The following BRCA2 variants were observed in gnomAD, a reference collection of about 807,000 sequenced individuals.
BRCA2 encodes breast cancer type 2 susceptibility protein.
A neutral mutation model predicts 276.7 loss-of-function variants in BRCA2; 203 were observed. That is an observed-to-expected ratio of 0.73 (90% confidence interval 0.65 to 0.82). The LOEUF is 0.82. Among genes scored for constraint, BRCA2 ranks in the 40% least tolerant of loss-of-function variants. The pLI is 0.00. For synonymous variants in BRCA2, 1,289 were observed against 1,338.4 expected, an observed-to-expected ratio of 0.96 and a Z score of 0.81; for missense variants, 3,920 against 3,915.0, an observed-to-expected ratio of 1.00 and a Z score of -0.03.
In BRCA2 at chr13:32,332,226, T is replaced by C. The variant is rs762890310; in HGVS notation, c.794-46T>C. 2.0e-6 allele frequency: 3 copies of C among 1,493,124 alleles called. No homozygotes were observed. The South Asian group carries it at 3.7e-5, about 18-fold the overall frequency. 92.5% of individuals were successfully genotyped at this position (1,493,124 alleles called of 1,614,324 possible). A position where few individuals can be genotyped will look rare whatever the true frequency, so the allele number is the denominator to read the frequency against. On this transcript the variant is annotated intron_variant, in intron 9 of 26. Transcript: ENST00000380152. Reference sequence around the variant, plus strand: ...AAGGTTGTGAGAATAATATAAATTATATGGCTTATAAAATATTAATGTGCT... The same window carrying C: ...AAGGTTGTGAGAATAATATAAATTACATGGCTTATAAAATATTAATGTGCT...
Position 32,340,252 on chromosome 13 carries a change from A to T in BRCA2, c.5897A>T (p.His1966Leu), listed in dbSNP as rs80358823. The change falls in exon 11 of 27, where the codon CAT (histidine) becomes CTT (leucine). Residue 1966 changes from histidine (H) to leucine (L), a missense_variant. By Grantham distance (99) the His-to-Leu change is moderately conservative. Transcript: ENST00000380152. ...TGTAAATGTAGTATAGGGAAGCTTC[A>T]TAAGTCAGTCTCATCTGCAAATACT... Reference protein sequence around the residue: ...DICKCSIGKLHKSVSSANTCG... With the variant: ...DICKCSIGKLLKSVSSANTCG... 1.2e-6 allele frequency: 2 copies of T among 1,614,060 alleles called. No individual in the cohort carries two copies. The highest frequency in any genetic ancestry group is 1.1e-5 in the South Asian group (1 of 91,082).
At chr13:32,360,115 A>G (rs2072728768) in intron 16 of BRCA2, among the ~76,000 whole-genome samples, 1 of 152,216 alleles carries the variant, frequency 6.6e-6, no homozygotes, top group Non-Finnish European at 1.5e-5. Flanking sequence ...GCTACATTTG[A>G]TAAATGACCT....
In BRCA2 at chr13:32,340,716, G is replaced by C. The variant is rs587782183; in HGVS notation, c.6361G>C (p.Glu2121Gln). 6.2e-7 allele frequency: 1 copy of C among 1,606,576 alleles called. No homozygotes were observed. The highest frequency in any genetic ancestry group is 8.5e-7 in the Non-Finnish European group (1 of 1,178,330). Reference protein sequence around the residue: ...KRNPEHCVNSEMEKTCSKEFK... With the variant: ...KRNPEHCVNSQMEKTCSKEFK... The stretch of plus-strand genomic sequence containing the variant: ...AAACCCAGAGCACTGTGTAAACTCA[G>C]AAATGGAAAAAACCTGCAGTAAAGA... The change falls in exon 11 of 27, where the codon GAA becomes CAA. Residue 2121 changes from glutamate (E) to glutamine (Q), a missense_variant. Around this residue, in one of 2 missense-constraint regions of BRCA2, gnomAD observed 3,263 missense variants for 3,156.9 expected, o/e 1.03. Transcript: ENST00000380152.
intron 3 of BRCA2, among the ~76,000 whole-genome samples, chr13:32,321,371 A>G (rs762809279): frequency 6.6e-6 from 1 of 152,188 alleles, no homozygotes; most frequent in Non-Finnish European, 1.5e-5. Context: ...ATAAAAATAA[A>G]TACACTAGTG....
rs1555282730 is a variant in BRCA2 at position 32,336,882 on chromosome 13, G to T, written c.2527G>T (p.Ala843Ser). The T allele has an allele frequency of 1.9e-6, 3 of 1,610,234 alleles. No homozygotes were observed. Among genetic ancestry groups the T allele is most frequent in the Non-Finnish European group, 2.5e-6 (3 of 1,179,136 alleles). ...LLPPEKYMRV[A>S]SPSRKVQFNQ... is the part of the protein sequence containing the mutation. Reference sequence around the variant, plus strand: ...GCCACCTGAAAAATACATGAGAGTAGCATCACCTTCAAGAAAGGTACAATT... The same window carrying T: ...GCCACCTGAAAAATACATGAGAGTATCATCACCTTCAAGAAAGGTACAATT... Residue 843 changes from alanine (A) to serine (S), a missense_variant, in exon 11 of 27, where the codon GCA becomes TCA. Transcript: ENST00000380152.
At chr13:32,333,433 A>G (rs2137476542) in intron 10 of BRCA2, 46 bp downstream of exon 10, 1 of 1,567,142 alleles carries the variant, frequency 6.4e-7, no homozygotes, top group Non-Finnish European at 8.7e-7. Context: ...ATAGTTTTAT[A>G]GATGACGATT....
Position 32,399,664 on chromosome 13 carries a change from G to A in BRCA2, c.*894G>A, listed in dbSNP as rs1228388301. 1 of 175,722 alleles carries A rather than the reference G, an allele frequency of 5.7e-6. No homozygotes were observed. Among genetic ancestry groups the A allele is most frequent in the Admixed American group, 6.3e-5 (1 of 15,772 alleles). The allele number at this position is 175,722 out of a possible 1,614,324, so 10.9% of individuals were successfully genotyped here. ...GAGAAAATATCTTGCTTTCAAATTG[G>A]CACTGATTCTGCCTGCTTTATTTTT... On this transcript the variant is annotated 3_prime_UTR_variant, in exon 27 of 27. Coordinates refer to ENST00000380152, the MANE Select transcript of BRCA2 (RefSeq NM_000059.4).
Position 32,332,255 on chromosome 13 carries a change from G to C in BRCA2, c.794-17G>C. On this transcript the variant is annotated splice_polypyrimidine_tract_variant and intron_variant, in intron 9 of 26. Coordinates refer to ENST00000380152, the MANE Select transcript of BRCA2 (RefSeq NM_000059.4). ...GCTTATAAAATATTAATGTGCTTCTGTTTTATACTTTAACAGGATTTGGAA... is the reference window on the plus strand; with the variant it reads ...GCTTATAAAATATTAATGTGCTTCTCTTTTATACTTTAACAGGATTTGGAA... 1.3e-6 allele frequency: 2 copies of C among 1,578,068 alleles called. No individual in the cohort carries two copies. The highest frequency in any genetic ancestry group is 2.2e-5 in the East Asian group (1 of 44,608).
At chr13:32,373,467 C>T (rs985441522) in intron 20 of BRCA2, among the ~76,000 whole-genome samples, 1 of 151,864 alleles carries the variant, frequency 6.6e-6, no homozygotes, top group Non-Finnish European at 1.5e-5. Flanking sequence ...AATCACACCA[C>T]TGCACTCTAG....
chr13:32,381,596 G>A (rs1162885884), intron 24 of BRCA2, among the ~76,000 whole-genome samples: 2 of 152,146 alleles, frequency 1.3e-5, no homozygotes, highest in Non-Finnish European at 2.9e-5. Context: ...ACCAGAGAGT[G>A]AGAAGTAACA....
At chr13:32,360,294 G>T (rs74047013) in intron 16 of BRCA2, among the ~76,000 whole-genome samples, 1 of 152,116 alleles carries the variant, frequency 6.6e-6, no homozygotes, top group African/African-American at 2.4e-5. Context: ...ATAGACCTTC[G>T]TAAGACCCTT....
intron 13 of BRCA2, among the ~76,000 whole-genome samples, chr13:32,347,284 T>C (rs1198865153): frequency 6.6e-6 from 1 of 151,996 alleles, no homozygotes; most frequent in Non-Finnish European, 1.5e-5. Flanking sequence ...AGGACAATGA[T>C]GAGAAGAAAC....
At chr13:32,324,352 TTC>T (rs777072471) in intron 3 of BRCA2, among the ~76,000 whole-genome samples, 10 of 152,140 alleles carry the variant, frequency 6.6e-5, no homozygotes, top group Admixed American at 2.0e-4. Flanking sequence ...AAAGAAAACA[TTC>T]TTTCAGGATA....
At chr13:32,387,116 G>A (rs971916806) in intron 24 of BRCA2, among the ~76,000 whole-genome samples, 2 of 152,082 alleles carry the variant, frequency 1.3e-5, no homozygotes, top group African/African-American at 4.8e-5. Context: ...CATATATTAG[G>A]ACACCAGTCA....
At chr13:32,395,486 A>G (rs1352649679) in intron 25 of BRCA2, among the ~76,000 whole-genome samples, 1 of 152,176 alleles carries the variant, frequency 6.6e-6, no homozygotes, top group Admixed American at 6.5e-5. Context: ...CTTCTCATTT[A>G]ATTCTCCCAC....
intron 7 of BRCA2, among the ~76,000 whole-genome samples, chr13:32,328,939 C>T (rs549711742): frequency 2.0e-5 from 3 of 152,062 alleles, no homozygotes; most frequent in African/African-American, 7.2e-5. Flanking sequence ...TAATTTATTC[C>T]CAAACCAGTA....
At chr13:32,371,379 GTTA>G (rs1247483267) in intron 20 of BRCA2, among the ~76,000 whole-genome samples, 1 of 151,992 alleles carries the variant, frequency 6.6e-6, no homozygotes, top group African/African-American at 2.4e-5. Context: ...GCTTTCATGT[GTTA>G]TTATGCCTGG....
In BRCA2 at chr13:32,325,710, T is replaced by G. The variant is rs186248762; in HGVS notation, c.426-391T>G. Among the ~76,000 whole-genome samples the G allele has an allele frequency of 1.1e-3, 166 of 152,166 alleles. No individual in the cohort carries two copies. The highest frequency in any genetic ancestry group is 3.9e-3 in the African/African-American group (160 of 41,508). ...CGCCCGCCACCATGCCCGGCTAATT[T>G]TTTGTATTTTTAGTAGAGACGGGGT... On this transcript the variant is annotated intron_variant, in intron 4 of 26. Coordinates refer to ENST00000380152, the MANE Select transcript of BRCA2 (RefSeq NM_000059.4).
chr13:32,342,601 C>G (rs751521650), intron 11 of BRCA2, among the ~76,000 whole-genome samples: 12 of 152,150 alleles, frequency 7.9e-5, no homozygotes, highest in Non-Finnish European at 1.2e-4. Flanking sequence ...GTATAGCCTA[C>G]TATATACCTA....
Sources: allele counts gnomAD v4.1 joint callset (sites outside exome capture counted in the v4.1 genomes callset), GRCh38; gene constraint gnomAD v4.1.1; regional missense constraint gnomAD v4.1.1; transcripts MANE v1.5; gene names NCBI Gene and HGNC (gene_info 2026-07-23, HGNC 2026-07-21).